ACLY: variants seen among roughly 807,000 people sequenced by gnomAD.
ACLY encodes the protein ATP citrate lyase.
A neutral mutation model predicts 133.0 loss-of-function variants in ACLY; 41 were observed. That is an observed-to-expected ratio of 0.31 (90% confidence interval 0.24 to 0.40). The LOEUF (loss-of-function observed/expected upper bound fraction) is 0.40. Among genes scored for constraint, ACLY ranks in the 10% least tolerant of loss-of-function variants. ACLY has a pLI of 1.00. For synonymous variants in ACLY, 495 were observed against 549.3 expected (o/e 0.90, Z 1.38); for missense variants, 1,046 against 1,453.8 (o/e 0.72, Z 4.56).
intron 1 of ACLY, among the ~76,000 whole-genome samples, chr17:41,916,877 G>A (rs2050065299): frequency 1.3e-5 from 2 of 152,038 alleles, no homozygotes; most frequent in South Asian, 4.1e-4. Flanking sequence ...AGGCACGGTG[G>A]CTTGCGCCTG....
chr17:41,912,356 C>T, intron 3 of ACLY, 64 bp downstream of exon 3: 1 of 1,588,142 alleles, frequency 6.3e-7, no homozygotes, highest in Non-Finnish European at 8.6e-7. Flanking sequence ...GAGCTGCTGA[C>T]CTGGAGGTGA....
chr17:41,909,431 T>G, intron 5 of ACLY, 79 bp downstream of exon 5: 2 of 1,490,878 alleles, frequency 1.3e-6, no homozygotes, highest in Non-Finnish European at 1.8e-6. Flanking sequence ...GAGACCGCTC[T>G]GCTCTCCCCA....
chr17:41,909,109 G>T, intron 5 of ACLY, 41 bp from the exon 6 acceptor site: 1 of 1,535,282 alleles, frequency 6.5e-7, no homozygotes, highest in South Asian at 1.1e-5. Context: ...ATCCATCAGG[G>T]AGCAGCTCGG....
intron 18 of ACLY, among the ~76,000 whole-genome samples, chr17:41,884,652 A>G (rs1555627873): frequency 2.0e-5 from 3 of 152,182 alleles, no homozygotes. Context: ...TGGGAGGCCC[A>G]GGAGGGTGGA....
intron 1 of ACLY, among the ~76,000 whole-genome samples, chr17:41,926,639 C>T (rs2050246807): frequency 6.6e-6 from 1 of 151,632 alleles, no homozygotes; most frequent in South Asian, 2.1e-4. Flanking sequence ...CAGGTGCCTG[C>T]CACCATGTCC....
chr17:41,887,534 C>A, intron 17 of ACLY, 65 bp downstream of exon 17: 1 of 1,383,270 alleles, frequency 7.2e-7, no homozygotes, highest in Non-Finnish European at 1.0e-6. Flanking sequence ...AAGTAAACTT[C>A]CTAAGGGCAT....
At chr17:41,901,194 A>G (rs1423097153) in intron 11 of ACLY, among the ~76,000 whole-genome samples, 7 of 151,476 alleles carry the variant, frequency 4.6e-5, no homozygotes, top group Admixed American at 1.3e-4. Context: ...TCCTGAGCTC[A>G]AGGGATCCTC....
upstream of ACLY, among the ~76,000 whole-genome samples, chr17:41,923,575 T>G (rs1555635669): frequency 6.6e-6 from 1 of 152,172 alleles, no homozygotes; most frequent in Non-Finnish European, 1.5e-5. Flanking sequence ...TGGATCTCCT[T>G]TATCTGACTG....
chr17:41,903,813 G>C (rs1378446523), intron 10 of ACLY, among the ~76,000 whole-genome samples: 1 of 148,034 alleles, frequency 6.8e-6, no homozygotes, highest in Non-Finnish European at 1.5e-5. Context: ...AGAGTCTCAC[G>C]AGAGTGTTGA....
chr17:41,909,004 C>T lies in ACLY; in HGVS notation c.601G>A (p.Glu201Lys), dbSNP rs782631257. Reference protein sequence around the residue: ...FYEDLYFTYLEINPLVVTKDG... With the variant: ...FYEDLYFTYLKINPLVVTKDG... ...ACCCAGTTACCAAGGGGATTGATCT[C>T]GAGGTAGGTGAAGTACAAGTCCTCG... is the stretch of plus-strand genomic sequence containing the variant. Residue 201 changes from glutamate (E) to lysine (K), a missense_variant, in exon 6 of 29, where the codon GAG becomes AAG. By Grantham distance (56) the Glu-to-Lys change is moderately conservative. Around this residue, in one of 4 missense-constraint regions of ACLY, gnomAD observed 575 missense variants for 804.2 expected, o/e 0.71. Transcript: ENST00000352035. 3.1e-6 allele frequency: 5 copies of T among 1,613,118 alleles called. No homozygotes were observed. Among genetic ancestry groups the T allele is most frequent in the African/African-American group, 1.3e-5 (1 of 74,860 alleles).
chr17:41,892,984 C>T, intron 15 of ACLY, 49 bp downstream of exon 15: 1 of 1,589,284 alleles, frequency 6.3e-7, no homozygotes, highest in Middle Eastern at 1.7e-4. Context: ...CAGCCCCAAG[C>T]TTTGTCTTAG....
intron 2 of ACLY, among the ~76,000 whole-genome samples, chr17:41,913,358 C>T (rs2049958266): frequency 6.6e-6 from 1 of 152,270 alleles, no homozygotes; most frequent in Admixed American, 6.5e-5. Flanking sequence ...ACGCTAAATG[C>T]TTCTTGCTAA....
At position 41,871,827 on chromosome 17, in the gene ACLY, AT is replaced by A; in HGVS notation, c.2798del (p.Asp933ValfsTer28). Reference protein sequence around the residue: ...SLTSGLLTIGDRFGGALDAAA... With the variant: ...SLTSGLLTIGXRFGGALDAAA... Reference sequence around the variant, plus strand: ...CTGCATCCAAGGCACCCCCAAACCGATCCCCCTGGAGGAGAAACAAGTGCGT... The same window carrying A: ...CTGCATCCAAGGCACCCCCAAACCGACCCCCTGGAGGAGAAACAAGTGCGT... On this transcript the variant is annotated frameshift_variant, in exon 25 of 29. Coordinates refer to ENST00000352035, the MANE Select transcript of ACLY (RefSeq NM_001096.3). LOFTEE classifies it high-confidence loss of function. 6.2e-7 allele frequency: 1 copy of A among 1,613,724 alleles called. No individual in the cohort carries two copies. Among genetic ancestry groups the A allele is most frequent in the Non-Finnish European group, 8.5e-7 (1 of 1,179,964 alleles).
At chr17:41,889,416 G>A (rs2049140902) in intron 16 of ACLY, among the ~76,000 whole-genome samples, 1 of 149,710 alleles carries the variant, frequency 6.7e-6, no homozygotes, top group African/African-American at 2.5e-5. Context: ...CTACTCGGGA[G>A]GCTGAGACAG....
chr17:41,882,397 A>AAAAAAAAAAAAAAT (rs2048942053), intron 20 of ACLY, among the ~76,000 whole-genome samples: 2 of 144,458 alleles, frequency 1.4e-5, no homozygotes, highest in South Asian at 4.4e-4. Context: ...AAAAAAAAAA[A>AAAAAAAAAAAAAAT]GTTGTTTCCA....
At chr17:41,876,258 G>C (rs1474268793) in intron 22 of ACLY, among the ~76,000 whole-genome samples, 1 of 150,284 alleles carries the variant, frequency 6.7e-6, no homozygotes, top group African/African-American at 2.5e-5. Flanking sequence ...TCAGCCCCCC[G>C]CCCGGCCAGC....
At chr17:41,897,478 C>T (rs1342103718) in intron 13 of ACLY, among the ~76,000 whole-genome samples, 1 of 152,058 alleles carries the variant, frequency 6.6e-6, no homozygotes, top group Non-Finnish European at 1.5e-5. Context: ...GCCTCCCTGC[C>T]CAGTCCACAC....
rs782418436 is a variant in ACLY at position 41,907,565 on chromosome 17, G to A, written c.624C>T (p.Thr208=). The part of the protein sequence containing the change: ...TYLEINPLVV[T]KDGVYVLDLA... Reference sequence around the variant, plus strand: ...AGTCAAGGACATAGACTCCATCTTTGGTCACTACTTCAAGGGGAGCAGAGG... The same window carrying A: ...AGTCAAGGACATAGACTCCATCTTTAGTCACTACTTCAAGGGGAGCAGAGG... Residue 208 remains threonine, a synonymous_variant, in exon 7 of 29, where the codon ACC becomes ACT. Transcript: ENST00000352035. The A allele has an allele frequency of 8.1e-6, 13 of 1,613,808 alleles. No individual in the cohort carries two copies. The Admixed American group carries it at 1.8e-4, about 23-fold the overall frequency.
intron 4 of ACLY, 58 bp from the exon 5 acceptor site, chr17:41,909,758 G>A (rs1466279273): frequency 2.0e-6 from 3 of 1,529,804 alleles, no homozygotes. Flanking sequence ...AGCTGGTGAG[G>A]GGCGCTGAAC....
Sources: gnomAD v4.1 joint callset for allele counts (sites outside exome capture counted in the v4.1 genomes callset) on GRCh38, gnomAD v4.1.1 for gene constraint, gnomAD v4.1.1 regional missense constraint, MANE v1.5 for transcripts, NCBI Gene and HGNC (gene_info 2026-07-23, HGNC 2026-07-21) for gene names.